Variants in TAX1BP3 observed in about 807,000 individuals in gnomAD.
TAX1BP3 encodes the protein tax1-binding protein 3.
TAX1BP3 carries 13 observed loss-of-function variants against 15.3 expected under a neutral mutation model. The observed-to-expected ratio is 0.85, with a 90% confidence interval of 0.55 to 1.35. The LOEUF (loss-of-function observed/expected upper bound fraction) is 1.35. TAX1BP3 is among the 40% of genes most tolerant of loss of function. The pLI, the probability that TAX1BP3 is intolerant of heterozygous loss-of-function variation, is 0.00. For synonymous variants in TAX1BP3, 70 were observed against 66.0 expected, an observed-to-expected ratio of 1.06 and a Z score of -0.30; for missense variants, 147 against 169.6, an observed-to-expected ratio of 0.87 and a Z score of 0.74.
chr17:3,664,087 G>T, intron 3 of TAX1BP3, 108 bp downstream of exon 3: 1 of 1,500,070 alleles, frequency 6.7e-7, no homozygotes, highest in Non-Finnish European at 9.1e-7. Flanking sequence ...TTCCCAATTG[G>T]CTGCAGTGAG....
intron 1 of TAX1BP3, among the ~76,000 whole-genome samples, chr17:3,666,062 C>G (rs953956503): frequency 2.6e-5 from 4 of 152,224 alleles, no homozygotes; most frequent in African/African-American, 7.2e-5. Context: ...TTTCAAAGCC[C>G]TTGGCAAGCG....
rs117575113 is a variant in TAX1BP3 at position 3,664,773 on chromosome 17, C to A, written c.65G>T (p.Arg22Leu). 6.2e-7 allele frequency: 1 copy of A among 1,613,714 alleles called. No individual in the cohort carries two copies. The highest frequency in any genetic ancestry group is 1.7e-5 in the Admixed American group (1 of 59,964). ...ACCCAGGATTAAGTTCTCACCTTGA[C>A]GCAGCTTGTGAATTTCAACTCTTTG... ...VVQRVEIHKL[R>L]QGENLILGFS... is the part of the protein sequence containing the mutation. Residue 22 changes from arginine (R) to leucine (L), a missense_variant, in exon 2 of 4, where the codon CGT becomes CTT. Coordinates refer to ENST00000225525, the MANE Select transcript of TAX1BP3 (RefSeq NM_014604.4).
rs1484007493 is a variant in TAX1BP3 at position 3,663,671 on chromosome 17, C to T, written c.*77G>A. ...GCTGGGGCCCAGCGGTCAGCAGAAG[C>T]CAGATGGGGACAGAGTGTGGAAGTG... On this transcript the variant is annotated 3_prime_UTR_variant, in exon 4 of 4. Coordinates refer to ENST00000225525, the MANE Select transcript of TAX1BP3 (RefSeq NM_014604.4). The T allele has an allele frequency of 2.6e-6, 4 of 1,527,092 alleles. No individual in the cohort carries two copies. In the African/African-American group the frequency reaches 5.4e-5, roughly 21 times the overall value. 94.6% of individuals were successfully genotyped at this position (1,527,092 alleles called of 1,614,324 possible). A position where few individuals can be genotyped will look rare whatever the true frequency, so the allele number is the denominator to read the frequency against.
At chr17:3,664,453 C>T in intron 2 of TAX1BP3, 181 bp from the exon 3 acceptor site, 2 of 932,474 alleles carry the variant, frequency 2.1e-6, no homozygotes, top group Non-Finnish European at 1.7e-6. Context: ...CACCACCATG[C>T]ACCGGCCCTG....
chr17:3,664,836 T>C (rs769357103), intron 1 of TAX1BP3, 38 bp from the exon 2 acceptor site: 1 of 1,602,284 alleles, frequency 6.2e-7, no homozygotes, highest in East Asian at 2.2e-5. Flanking sequence ...AAGTGGGTGG[T>C]TGGAGAATTA....
chr17:3,666,993 C>G (rs919221149), intron 1 of TAX1BP3, among the ~76,000 whole-genome samples: 3 of 152,130 alleles, frequency 2.0e-5, no homozygotes, highest in Non-Finnish European at 4.4e-5. Flanking sequence ...TCCCTGCCCC[C>G]CTTCTACCTA....
chr17:3,663,925 G>T (rs775129244), intron 3 of TAX1BP3, 40 bp from the exon 4 acceptor site: 24 of 1,585,122 alleles, frequency 1.5e-5, no homozygotes, highest in Non-Finnish European at 2.1e-5. Context: ...TCAGCTCCCC[G>T]CCCTCTGGGA....
At position 3,663,729 on chromosome 17, in the gene TAX1BP3, T is replaced by C. The variant is rs1190514619; in HGVS notation, c.*19A>G. The C allele has an allele frequency of 3.8e-6, 6 of 1,587,334 alleles. No homozygotes were observed. Among genetic ancestry groups the C allele is most frequent in the Non-Finnish European group, 5.1e-6 (6 of 1,168,446 alleles). On this transcript the variant is annotated 3_prime_UTR_variant, in exon 4 of 4. Coordinates refer to ENST00000225525, the MANE Select transcript of TAX1BP3 (RefSeq NM_014604.4). ...TGTACAGAGAGGCGGCAGGCAGGAG[T>C]CGCAGATGGTGGTGGCTGCTAGGAC... is the stretch of plus-strand genomic sequence containing the variant.
At chr17:3,664,066 G>T in intron 3 of TAX1BP3, 129 bp downstream of exon 3, 1 of 1,444,664 alleles carries the variant, frequency 6.9e-7, no homozygotes, top group Non-Finnish European at 9.5e-7. Flanking sequence ...CTGGGGCAAT[G>T]CCAGTATGGG....
chr17:3,663,544 G>T lies in TAX1BP3; in HGVS notation c.*204C>A. ...CTCCAGGCCCTTATTTCCAATCCTC[G>T]GTGTCCAGGAGAGAAAGCCGGTCCC... On this transcript the variant is annotated 3_prime_UTR_variant, in exon 4 of 4. Transcript: ENST00000225525. The T allele has an allele frequency of 1.5e-6, 1 of 653,288 alleles. No homozygotes were observed. The highest frequency in any genetic ancestry group is 2.3e-6 in the Non-Finnish European group (1 of 425,882). The allele number at this position is 653,288 out of a possible 1,614,324, so 40.5% of individuals were successfully genotyped here. A position where few individuals can be genotyped will look rare whatever the true frequency, so the allele number is the denominator to read the frequency against.
intron 3 of TAX1BP3, 94 bp from the exon 4 acceptor site, chr17:3,663,979 C>A: frequency 6.6e-7 from 1 of 1,520,424 alleles, no homozygotes; most frequent in Non-Finnish European, 8.8e-7. Context: ...TTCAAGTAGG[C>A]CCCCAGCCTA....
chr17:3,664,387 T>C, intron 2 of TAX1BP3, 115 bp from the exon 3 acceptor site: 2 of 1,238,444 alleles, frequency 1.6e-6, no homozygotes, highest in Admixed American at 1.9e-5. Flanking sequence ...ACCCAGCCTC[T>C]CCCAGCACAT....
In TAX1BP3 at chr17:3,668,503, C is replaced by A; in HGVS notation, c.24G>T (p.Pro8=). The A allele has an allele frequency of 1.2e-6, 2 of 1,609,340 alleles. No individual in the cohort carries two copies. Among genetic ancestry groups the A allele is most frequent in the Non-Finnish European group, 1.7e-6 (2 of 1,178,648 alleles). MSYIPGQ[P]VTAVVQRVEI... ...GCGCACTCACCACCACGGCGGTGAC[C>A]GGCTGGCCCGGGATGTAGGACATCT... The change falls in exon 1 of 4, where the codon CCG becomes CCT. Residue 8 remains proline, a synonymous_variant. Coordinates refer to ENST00000225525, the MANE Select transcript of TAX1BP3 (RefSeq NM_014604.4). The surrounding 1 kb of genome is among the most constrained non-coding windows in gnomAD (Gnocchi z 4.1).
Position 3,663,525 on chromosome 17 carries a change from G to A in TAX1BP3, c.*223C>T. ...CAGACTGGCTACTACTCAGCTCCAGGCCCTTATTTCCAATCCTCGGTGTCC... is the reference window on the plus strand; with the variant it reads ...CAGACTGGCTACTACTCAGCTCCAGACCCTTATTTCCAATCCTCGGTGTCC... On this transcript the variant is annotated 3_prime_UTR_variant, in exon 4 of 4. Transcript: ENST00000225525. 1.8e-6 allele frequency: 1 copy of A among 570,932 alleles called. No individual in the cohort carries two copies. The highest frequency in any genetic ancestry group is 2.8e-6 in the Non-Finnish European group (1 of 353,402). 35.4% of individuals were successfully genotyped at this position (570,932 alleles called of 1,614,324 possible).
Position 3,663,769 on chromosome 17 carries a change from C to CA in TAX1BP3, c.353dup (p.Gln119AlafsTer85), listed in dbSNP as rs2076307839. 2 of 1,604,874 alleles carry CA rather than the reference C, an allele frequency of 1.2e-6. No individual in the cohort carries two copies. Among genetic ancestry groups the CA allele is most frequent in the Admixed American group, 1.7e-5 (1 of 59,820 alleles). Reference sequence around the variant, plus strand: ...GCTGCTAGGACAGCATGGACTGCTGCACGGCCTTCTGCAGCGACTGCCGCG... The same window carrying CA: ...GCTGCTAGGACAGCATGGACTGCTGCAACGGCCTTCTGCAGCGACTGCCGCG... On this transcript the variant is annotated frameshift_variant, in exon 4 of 4. Transcript: ENST00000225525. LOFTEE classifies it high-confidence loss of function.
chr17:3,664,660 G>C lies in TAX1BP3; in HGVS notation c.159+19C>G. Reference sequence around the variant, plus strand: ...CCCTGTGCCCCATGGAGCGGTCCCAGGACCCCAGACCCCCTCACCTTGTCC... The same window carrying C: ...CCCTGTGCCCCATGGAGCGGTCCCACGACCCCAGACCCCCTCACCTTGTCC... On this transcript the variant is annotated intron_variant, in intron 2 of 3. Transcript: ENST00000225525. The C allele has an allele frequency of 6.2e-7, 1 of 1,613,580 alleles. No individual in the cohort carries two copies. The highest frequency in any genetic ancestry group is 8.5e-7 in the Non-Finnish European group (1 of 1,179,874).
rs765185418 is a variant in TAX1BP3, at chr17:3,664,794, CTT to C, written c.42_43del (p.Arg15SerfsTer2). 2 of 1,612,828 alleles carry C rather than the reference CTT, an allele frequency of 1.2e-6. No homozygotes were observed. Among genetic ancestry groups the C allele is most frequent in the Admixed American group, 1.7e-5 (1 of 59,876 alleles). On this transcript the variant is annotated frameshift_variant and splice_region_variant, in exon 2 of 4. Coordinates refer to ENST00000225525, the MANE Select transcript of TAX1BP3 (RefSeq NM_014604.4). LOFTEE classifies it high-confidence loss of function. ...TTGACGCAGCTTGTGAATTTCAACT[CTT>C]TGCTGGCAAAGAAAAAAGCCAGTTG...
intron 1 of TAX1BP3, 136 bp from the exon 2 acceptor site, chr17:3,664,934 C>T: frequency 2.3e-6 from 3 of 1,324,810 alleles, no homozygotes; most frequent in Non-Finnish European, 3.1e-6. Flanking sequence ...GCTCACCAGC[C>T]TGGGAGGCTG....
At chr17:3,665,178 T>C in intron 1 of TAX1BP3, 2 of 927,486 alleles carry the variant, frequency 2.2e-6, no homozygotes, top group African/African-American at 3.3e-5. Flanking sequence ...AGGAAGGGGT[T>C]TCCTTTCGGC....
Sources: allele counts gnomAD v4.1 joint callset (sites outside exome capture counted in the v4.1 genomes callset), GRCh38; gene constraint gnomAD v4.1.1; non-coding constraint Gnocchi (gnomAD v3.1); transcripts MANE v1.5; gene names NCBI Gene and HGNC (gene_info 2026-07-23, HGNC 2026-07-21).